The following CHD2 variants were observed in gnomAD, a reference collection of about 807,000 sequenced individuals.
The protein encoded by CHD2 is chromodomain helicase DNA binding protein 2, also known as ATP-dependent chromatin remodeler CHD2.
In CHD2, 28 loss-of-function variants were observed where a neutral mutation model predicts 243.9. The ratio of observed to expected loss-of-function variants is 0.11; its 90% CI spans 0.09 to 0.16. The LOEUF (loss-of-function observed/expected upper bound fraction) is 0.16. Among genes scored for constraint, CHD2 ranks in the 10% least tolerant of loss-of-function variants. The pLI is 1.00. For synonymous variants in CHD2, 775 were observed against 779.0 expected, an observed-to-expected ratio of 0.99 and a Z score of 0.09; for missense variants, 1,386 against 2,209.8, an observed-to-expected ratio of 0.63 and a Z score of 7.47.
chr15:92,970,660 A>G (rs1298561651), intron 17 of CHD2, among the ~76,000 whole-genome samples: 3 of 152,056 alleles, frequency 2.0e-5, no homozygotes, highest in Non-Finnish European at 4.4e-5. Flanking sequence ...TTTTTTCCTT[A>G]ATGATACATG....
At position 93,020,200 on chromosome 15, in the gene CHD2, C is replaced by T. The variant is rs777481677; in HGVS notation, c.5095C>T (p.Pro1699Ser). 1.7e-5 allele frequency: 28 copies of T among 1,613,970 alleles called. No individual in the cohort carries two copies. The highest frequency in any genetic ancestry group is 2.1e-5 in the Non-Finnish European group (25 of 1,180,016). Residue 1699 changes from proline (P) to serine (S), a missense_variant, in exon 38 of 39, where the codon CCT becomes TCT. Pro to Ser is a moderately conservative substitution (Grantham distance 74). Transcript: ENST00000394196. ...YRPNNMSRKRPYDQYSSDRDH... is the reference protein window; with the variant it reads ...YRPNNMSRKRSYDQYSSDRDH... ...ACCCAACAACATGTCCAGAAAGAGG[C>T]CTTATGACCAGTACAGCAGTGACCG...
intron 16 of CHD2, among the ~76,000 whole-genome samples, chr15:92,959,150 C>T (rs1032361954): frequency 6.6e-6 from 1 of 152,176 alleles, no homozygotes; most frequent in South Asian, 2.1e-4. Flanking sequence ...TCATATCTGA[C>T]ACAGATTTGC....
chr15:92,913,733 T>C (rs2052784459), intron 2 of CHD2, among the ~76,000 whole-genome samples: 1 of 152,126 alleles, frequency 6.6e-6, no homozygotes, highest in Non-Finnish European at 1.5e-5. Context: ...GCACCTATAG[T>C]CCCAGCTATT....
At chr15:92,919,699 C>CT (rs1187216149) in intron 2 of CHD2, among the ~76,000 whole-genome samples, 1 of 152,120 alleles carries the variant, frequency 6.6e-6, no homozygotes, top group Non-Finnish European at 1.5e-5. Context: ...CCTAAAAACA[C>CT]TTTTTAAAAA....
rs762258384 is a variant in CHD2 at position 92,998,573 on chromosome 15, G to A, written c.3960G>A (p.Leu1320=). 6.2e-7 allele frequency: 1 copy of A among 1,613,664 alleles called. No individual in the cohort carries two copies. The highest frequency in any genetic ancestry group is 1.1e-5 in the South Asian group (1 of 91,058). ...CCCGAGCGGATTACTTGTTGAAGCT[G>A]CTCAGAAAGGGTCTGGAGAAGAAGG... is the stretch of plus-strand genomic sequence containing the variant. ...LQTRADYLLK[L]LRKGLEKKGA... is the part of the protein sequence containing the mutation. The change falls in exon 31 of 39, where the codon CTG becomes CTA. Residue 1320 remains leucine (L), a synonymous_variant. Transcript: ENST00000394196. The surrounding 1 kb of genome is among the most constrained non-coding windows in gnomAD (Gnocchi z 5.1).
At chr15:92,922,722 G>A (rs1277350566) in intron 2 of CHD2, among the ~76,000 whole-genome samples, 1 of 152,172 alleles carries the variant, frequency 6.6e-6, no homozygotes, top group East Asian at 1.9e-4. Context: ...GCAAAGATGG[G>A]TAGTTTTTAA....
chr15:92,947,462 C>T (rs1461944877), intron 12 of CHD2: 5 of 152,278 alleles, frequency 3.3e-5, no homozygotes, highest in Non-Finnish European at 4.4e-5. Flanking sequence ...ACAAGTACAT[C>T]AAGGTCAAAG....
chr15:93,002,040 T>G (rs2054263556), intron 32 of CHD2, 137 bp from the exon 33 acceptor site: 10 of 1,158,450 alleles, frequency 8.6e-6, no homozygotes, highest in Non-Finnish European at 1.2e-5. Context: ...CTGAGTCCCT[T>G]GAGGCTATTT....
intron 2 of CHD2, among the ~76,000 whole-genome samples, chr15:92,918,144 G>A (rs1596374334): frequency 6.6e-6 from 1 of 152,168 alleles, no homozygotes; most frequent in Admixed American, 6.5e-5. Context: ...GGGAAACCGC[G>A]ATTAAAAATG....
chr15:92,904,846 C>T, intron 2 of CHD2: 1 of 1,521,214 alleles, frequency 6.6e-7, no homozygotes, highest in Non-Finnish European at 8.8e-7. Flanking sequence ...GTTTGAGTGT[C>T]AGAGGCGGAT....
intron 7 of CHD2, among the ~76,000 whole-genome samples, chr15:92,940,636 G>A (rs1355704369): frequency 1.3e-5 from 2 of 151,072 alleles, no homozygotes; most frequent in Non-Finnish European, 2.9e-5. Context: ...CTAGGACTGG[G>A]CTTTGAGTAT....
chr15:92,943,152 C>T, intron 9 of CHD2, 84 bp downstream of exon 9: 5 of 1,053,010 alleles, frequency 4.7e-6, no homozygotes, highest in Non-Finnish European at 7.0e-6. Flanking sequence ...GAGATCACAG[C>T]TATCTAGAAT....
chr15:92,992,768 A>G, intron 27 of CHD2, 91 bp from the exon 28 acceptor site: 1 of 1,505,790 alleles, frequency 6.6e-7, no homozygotes, highest in Non-Finnish European at 9.0e-7. Flanking sequence ...TCTTTGCAGG[A>G]GAAGATTATG....
intron 2 of CHD2, chr15:92,904,864 T>G: frequency 6.5e-7 from 1 of 1,526,954 alleles, no homozygotes; most frequent in Non-Finnish European, 8.7e-7. Flanking sequence ...GATACTTTTA[T>G]TTTAGTGAAA....
At chr15:92,982,415 T>G (rs1232102571) in intron 24 of CHD2, among the ~76,000 whole-genome samples, 1 of 152,182 alleles carries the variant, frequency 6.6e-6, no homozygotes, top group African/African-American at 2.4e-5. Flanking sequence ...TGATACAGCT[T>G]TGCCGTGGAG....
At chr15:92,933,960 G>T (rs1250203856) in intron 5 of CHD2, among the ~76,000 whole-genome samples, 8 of 152,154 alleles carry the variant, frequency 5.3e-5, no homozygotes, top group Admixed American at 3.9e-4. Context: ...CAGTGGAAGG[G>T]AATCCCTATT....
intron 7 of CHD2, 54 bp from the exon 8 acceptor site, chr15:92,941,768 A>C: frequency 6.4e-7 from 1 of 1,552,652 alleles, no homozygotes; most frequent in East Asian, 2.3e-5. Flanking sequence ...TATGTGTGGC[A>C]GTTTAATTCT....
chr15:92,978,029 T>C, intron 20 of CHD2: 1 of 584,998 alleles, frequency 1.7e-6, no homozygotes, highest in Non-Finnish European at 3.1e-6. Context: ...CTACTCCTGT[T>C]CATGGCACTG....
chr15:92,944,115 C>T lies in CHD2; in HGVS notation c.1053-300C>T, dbSNP rs141921472. The T allele has an allele frequency of 6.0e-3, 1,071 of 177,512 alleles. 12 individuals carry two copies. Among genetic ancestry groups the T allele is most frequent in the African/African-American group, 0.022 (948 of 42,590 alleles). The allele number at this position is 177,512 out of a possible 1,614,324, so 11.0% of individuals were successfully genotyped here. On this transcript the variant is annotated intron_variant, in intron 9 of 38. Coordinates refer to ENST00000394196, the MANE Select transcript of CHD2 (RefSeq NM_001271.4). ...GATTTGTTGAGATGTATGAATTTGC[C>T]ACATGAATCTATCACATAAAAGAGT...
Sources: gnomAD v4.1 joint callset for allele counts (sites outside exome capture counted in the v4.1 genomes callset) on GRCh38, gnomAD v4.1.1 for gene constraint, Gnocchi (gnomAD v3.1) non-coding constraint, MANE v1.5 for transcripts, NCBI Gene and HGNC (gene_info 2026-07-23, HGNC 2026-07-21) for gene names.